Variants in ACOXL observed in about 807,000 individuals in gnomAD.
ACOXL encodes acyl-coenzyme A oxidase-like protein.
ACOXL carries 70 observed loss-of-function variants against 71.9 expected under a neutral mutation model. The ratio of observed to expected loss-of-function variants is 0.97; its 90% CI spans 0.80 to 1.19. The LOEUF is 1.19. Among genes scored for constraint, ACOXL ranks in the 50% most tolerant of loss-of-function variants. The pLI, the probability that ACOXL is intolerant of heterozygous loss-of-function variation, is 0.00. For missense variants in ACOXL, 703 were observed against 736.3 expected (o/e 0.95, Z 0.52); for synonymous variants, 253 against 281.6 (o/e 0.90, Z 1.02).
chr2:110,924,043 A>G (rs1274849803), intron 11 of ACOXL, among the ~76,000 whole-genome samples: 1 of 152,232 alleles, frequency 6.6e-6, no homozygotes, highest in Non-Finnish European at 1.5e-5. Context: ...TCGCAATAAC[A>G]TGAGTCATAA....
chr2:111,098,547 A>G (rs1475112446), intron 17 of ACOXL: 4 of 152,226 alleles, frequency 2.6e-5, no homozygotes, highest in African/African-American at 4.8e-5. Context: ...ACTAAATACA[A>G]TGCAGTATCA....
At chr2:110,858,954 G>A (rs1238584564) in intron 10 of ACOXL, among the ~76,000 whole-genome samples, 8 of 152,110 alleles carry the variant, frequency 5.3e-5, no homozygotes, top group Admixed American at 4.6e-4. Context: ...TGCTTCGTGC[G>A]AGGCGGTACC....
chr2:111,021,013 ATG>A (rs1258083807), intron 14 of ACOXL, among the ~76,000 whole-genome samples: 1 of 152,148 alleles, frequency 6.6e-6, no homozygotes, highest in Non-Finnish European at 1.5e-5. Flanking sequence ...TTCTAGGAAA[ATG>A]TGTTGTGAAT....
At chr2:110,881,344 G>A (rs1696620406) in intron 10 of ACOXL, among the ~76,000 whole-genome samples, 1 of 152,004 alleles carries the variant, frequency 6.6e-6, no homozygotes, top group South Asian at 2.1e-4. Flanking sequence ...ATTTGTGTCT[G>A]ATGCTCTTTA....
At chr2:111,035,333 C>T (rs1262123499) in intron 15 of ACOXL, among the ~76,000 whole-genome samples, 3 of 152,146 alleles carry the variant, frequency 2.0e-5, no homozygotes, top group East Asian at 1.9e-4. Context: ...TGGTGGTTTC[C>T]GTAGTGGGAT....
intron 10 of ACOXL, among the ~76,000 whole-genome samples, chr2:110,851,672 G>A (rs1692617965): frequency 6.6e-6 from 1 of 152,218 alleles, no homozygotes; most frequent in African/African-American, 2.4e-5. Context: ...TGGCTGCAGA[G>A]CAGAACCAGT....
intron 1 of ACOXL, among the ~76,000 whole-genome samples, chr2:110,733,761 T>G (rs1676489548): frequency 6.6e-6 from 1 of 152,108 alleles, no homozygotes; most frequent in African/African-American, 2.4e-5. Context: ...TGTGGGATGG[T>G]GGGTATATCC....
At chr2:110,942,961 AAAG>A (rs2060924968) in intron 12 of ACOXL, among the ~76,000 whole-genome samples, 2 of 149,464 alleles carry the variant, frequency 1.3e-5, no homozygotes, top group Non-Finnish European at 3.0e-5. Flanking sequence ...AGAAGAAAGA[AAAG>A]AAAAAAAAAG....
At chr2:110,835,522 C>T (rs1285178279) in intron 9 of ACOXL, among the ~76,000 whole-genome samples, 7 of 152,188 alleles carry the variant, frequency 4.6e-5, no homozygotes, top group African/African-American at 1.7e-4. Context: ...AGAGTGCAGA[C>T]ACCTCTCCCT....
intron 1 of ACOXL, among the ~76,000 whole-genome samples, chr2:110,754,032 G>A (rs1004694256): frequency 1.2e-5 from 1 of 82,166 alleles, no homozygotes; most frequent in Non-Finnish European, 2.2e-5. Context: ...ACATGCACAC[G>A]TGTGTGTGTG....
At chr2:110,882,195 T>G (rs1351650018) in intron 10 of ACOXL, among the ~76,000 whole-genome samples, 1 of 152,234 alleles carries the variant, frequency 6.6e-6, no homozygotes, top group Non-Finnish European at 1.5e-5. Context: ...ATTGTGGGTT[T>G]CATTTTCATT....
At position 110,943,196 on chromosome 2, in the gene ACOXL, AAG is replaced by A. The variant is rs775606316; in HGVS notation, c.1059+9558_1059+9559del. 4.7e-5 allele frequency among the ~76,000 whole-genome samples: 7 copies of A among 149,272 alleles called. No individual in the cohort carries two copies. In the South Asian group the frequency reaches 1.1e-3, roughly 23 times the overall value. On this transcript the variant is annotated intron_variant, in intron 12 of 17. Transcript: ENST00000439055. ...AGGGAGGGAAAGAAGGAAGGAAGGA[AAG>A]AGAAAGGAAAGGAAGAAGGAAGGAA...
chr2:111,038,129 T>A (rs974697191), intron 15 of ACOXL, among the ~76,000 whole-genome samples: 1 of 152,162 alleles, frequency 6.6e-6, no homozygotes, highest in Non-Finnish European at 1.5e-5. Flanking sequence ...ACAGAGCAAC[T>A]CTAATCCCCC....
chr2:110,951,587 G>A (rs1459151072), intron 12 of ACOXL, among the ~76,000 whole-genome samples: 2 of 152,162 alleles, frequency 1.3e-5, no homozygotes, highest in Non-Finnish European at 2.9e-5. Flanking sequence ...TGTGGGACTT[G>A]TGCAGATATT....
chr2:111,009,793 C>T (rs1383183954), intron 14 of ACOXL, among the ~76,000 whole-genome samples: 1 of 152,114 alleles, frequency 6.6e-6, no homozygotes, highest in Admixed American at 6.6e-5. Flanking sequence ...AGTCTGAATC[C>T]TGCCAAGTTA....
At chr2:110,886,951 G>A in intron 10 of ACOXL, 13 of 1,359,484 alleles carry the variant, frequency 9.6e-6, no homozygotes, top group Non-Finnish European at 1.3e-5. Context: ...ATCCCTATAG[G>A]CTTCTCACTG....
At chr2:110,930,613 G>C (rs1010336267) in intron 11 of ACOXL, among the ~76,000 whole-genome samples, 2 of 152,216 alleles carry the variant, frequency 1.3e-5, no homozygotes, top group South Asian at 2.1e-4. Context: ...TGATTTGGCT[G>C]TGTGCCCACC....
chr2:111,026,594 A>AT (rs2065026301), intron 14 of ACOXL, among the ~76,000 whole-genome samples: 1 of 151,662 alleles, frequency 6.6e-6, no homozygotes, highest in Non-Finnish European at 1.5e-5. Flanking sequence ...TGTAAATGGC[A>AT]TTTTTATTTT....
intron 12 of ACOXL, among the ~76,000 whole-genome samples, chr2:110,967,605 A>G (rs975824547): frequency 6.6e-6 from 1 of 152,254 alleles, no homozygotes; most frequent in Non-Finnish European, 1.5e-5. Context: ...CATGTAAATA[A>G]TAAGACTATA....
Sources: gnomAD v4.1 joint callset for allele counts (sites outside exome capture counted in the v4.1 genomes callset) on GRCh38, gnomAD v4.1.1 for gene constraint, MANE v1.5 for transcripts, NCBI Gene and HGNC (gene_info 2026-07-23, HGNC 2026-07-21) for gene names.